Variants in RASGEF1C observed in about 807,000 individuals in gnomAD.
The protein encoded by RASGEF1C is RasGEF domain family member 1C.
In RASGEF1C, 27 loss-of-function variants were observed where a neutral mutation model predicts 58.1. The ratio of observed to expected loss-of-function variants is 0.46; its 90% CI spans 0.34 to 0.64. The LOEUF is 0.64. Among genes scored for constraint, RASGEF1C ranks in the 30% least tolerant of loss-of-function variants. The pLI is 0.01. For synonymous variants in RASGEF1C, 243 were observed against 246.3 expected, an observed-to-expected ratio of 0.99 and a Z score of 0.13; for missense variants, 502 against 605.1, an observed-to-expected ratio of 0.83 and a Z score of 1.79.
intron 4 of RASGEF1C, among the ~76,000 whole-genome samples, chr5:180,132,605 G>C (rs967307027): frequency 1.3e-5 from 2 of 152,162 alleles, no homozygotes; most frequent in Non-Finnish European, 2.9e-5. Context: ...TCAGCTTTCT[G>C]CCACCTCTGC....
chr5:180,207,994 C>T (rs1371990418), intron 1 of RASGEF1C, among the ~76,000 whole-genome samples: 3 of 152,200 alleles, frequency 2.0e-5, no homozygotes, highest in Non-Finnish European at 1.5e-5. Context: ...CCCACACCAG[C>T]TAGTGAGCAC....
At chr5:180,112,014 C>T (rs369452814) in intron 11 of RASGEF1C, among the ~76,000 whole-genome samples, 3 of 152,274 alleles carry the variant, frequency 2.0e-5, no homozygotes, top group South Asian at 2.1e-4. Context: ...CCCCGCTCCA[C>T]GACACCCTTT....
chr5:180,122,009 TCA>T (rs1766184939), intron 6 of RASGEF1C, among the ~76,000 whole-genome samples: 1 of 152,220 alleles, frequency 6.6e-6, no homozygotes, highest in Non-Finnish European at 1.5e-5. Flanking sequence ...GCTCTGTGCC[TCA>T]CAGAGAAAAT....
At chr5:180,128,271 G>A in intron 5 of RASGEF1C, 139 bp downstream of exon 5, 1 of 813,316 alleles carries the variant, frequency 1.2e-6, no homozygotes, top group South Asian at 1.5e-5. Flanking sequence ...ATCCACAAGG[G>A]GCCCAGTGCA....
chr5:180,169,432 G>A (rs62406103), intron 1 of RASGEF1C, among the ~76,000 whole-genome samples: 6,897 of 152,140 alleles, frequency 0.045, 333 homozygotes, highest in African/African-American at 0.12. Context: ...TGGAAGCAGC[G>A]TTCACAAATG....
At position 180,101,393 on chromosome 5, in the gene RASGEF1C, T is replaced by C; in HGVS notation, c.*108A>G. ...GGCAGCAGGCCACAGGGTCGGCATT[T>C]GCAAAATAGTGAGGCACTCCCTGGC... is the stretch of plus-strand genomic sequence containing the variant. On this transcript the variant is annotated 3_prime_UTR_variant, in exon 14 of 14. Transcript: ENST00000361132. 1 of 1,388,876 alleles carries C rather than the reference T, an allele frequency of 7.2e-7. No homozygotes were observed. The highest frequency in any genetic ancestry group is 1.2e-5 in the South Asian group (1 of 83,538). The allele number at this position is 1,388,876 out of a possible 1,614,324, so 86.0% of individuals were successfully genotyped here.
intron 1 of RASGEF1C, among the ~76,000 whole-genome samples, chr5:180,173,233 A>G (rs1767141982): frequency 6.6e-6 from 1 of 152,228 alleles, no homozygotes; most frequent in Non-Finnish European, 1.5e-5. Flanking sequence ...AGCCAGCTAC[A>G]CAGGGCCTGC....
chr5:180,193,861 G>A (rs1296166583), intron 1 of RASGEF1C, among the ~76,000 whole-genome samples: 1 of 152,170 alleles, frequency 6.6e-6, no homozygotes, highest in African/African-American at 2.4e-5. Context: ...ATCAGTCCAG[G>A]AGGAATCCAC....
chr5:180,113,773 G>A (rs954758626), intron 11 of RASGEF1C, among the ~76,000 whole-genome samples: 9 of 151,786 alleles, frequency 5.9e-5, no homozygotes, highest in Admixed American at 3.3e-4. Flanking sequence ...GGGGATGGAC[G>A]GAGGGATTGG....
At position 180,101,823 on chromosome 5, in the gene RASGEF1C, C is replaced by A. The variant is rs571875160; in HGVS notation, c.1376+248G>T. Among the ~76,000 whole-genome samples, 4 of 152,338 alleles carry A rather than the reference C, an allele frequency of 2.6e-5. No individual in the cohort carries two copies. The South Asian group carries it at 8.3e-4, about 32-fold the overall frequency. On this transcript the variant is annotated intron_variant, in intron 13 of 13. Coordinates refer to ENST00000361132, the MANE Select transcript of RASGEF1C (RefSeq NM_175062.4). ...CCCTGGGACATGCATCTTGACTGCA[C>A]ACAGAGGCAGCCACCAGCCGTGGGG... is the stretch of plus-strand genomic sequence containing the variant.
At chr5:180,171,076 G>A (rs777112706) in intron 1 of RASGEF1C, among the ~76,000 whole-genome samples, 1 of 152,160 alleles carries the variant, frequency 6.6e-6, no homozygotes, top group African/African-American at 2.4e-5. Flanking sequence ...AGTGTGAGAC[G>A]CGTGCAGCCA....
intron 1 of RASGEF1C, among the ~76,000 whole-genome samples, chr5:180,181,722 A>G (rs187276377): frequency 3.8e-4 from 58 of 152,328 alleles, no homozygotes; most frequent in Admixed American, 1.4e-3. Flanking sequence ...ATGAGAGAAC[A>G]CATTTCCGTT....
At chr5:180,205,468 A>G (rs1756470685) in intron 1 of RASGEF1C, among the ~76,000 whole-genome samples, 1 of 152,164 alleles carries the variant, frequency 6.6e-6, no homozygotes, top group Non-Finnish European at 1.5e-5. Flanking sequence ...GTTTTGGATA[A>G]GATAACTCAA....
chr5:180,182,490 G>A (rs1264720906), intron 1 of RASGEF1C, among the ~76,000 whole-genome samples: 1 of 152,172 alleles, frequency 6.6e-6, no homozygotes, highest in African/African-American at 2.4e-5. Flanking sequence ...TGGCTGGGAT[G>A]GCCAGCTTTT....
At chr5:180,167,153 T>C (rs1767036113) in intron 1 of RASGEF1C, among the ~76,000 whole-genome samples, 1 of 152,092 alleles carries the variant, frequency 6.6e-6, no homozygotes, top group Admixed American at 6.5e-5. Flanking sequence ...TTTCAAATGC[T>C]TTTTTTCTGT....
chr5:180,173,298 G>A (rs536688956), intron 1 of RASGEF1C, among the ~76,000 whole-genome samples: 20 of 152,270 alleles, frequency 1.3e-4, no homozygotes, highest in African/African-American at 4.1e-4. Context: ...CTCGACCTGG[G>A]GATGCCACCA....
At chr5:180,150,951 G>GAA (rs1766736335) in intron 1 of RASGEF1C, among the ~76,000 whole-genome samples, 1 of 151,256 alleles carries the variant, frequency 6.6e-6, no homozygotes, top group Admixed American at 6.6e-5. Context: ...AATCATGAGT[G>GAA]AACTCCCATT....
intron 1 of RASGEF1C, among the ~76,000 whole-genome samples, chr5:180,195,604 CAA>C (rs1188831579): frequency 1.3e-5 from 2 of 150,982 alleles, no homozygotes; most frequent in East Asian, 1.9e-4. Context: ...ACTAAAAATA[CAA>C]AAAAAATTAG....
chr5:180,199,141 G>C (rs1332216286), intron 1 of RASGEF1C, among the ~76,000 whole-genome samples: 2 of 152,178 alleles, frequency 1.3e-5, no homozygotes, highest in African/African-American at 4.8e-5. Flanking sequence ...CGGGAGAGGT[G>C]GCAGGGGGTG....
Sources: gnomAD v4.1 joint callset for allele counts (sites outside exome capture counted in the v4.1 genomes callset) on GRCh38, gnomAD v4.1.1 for gene constraint, MANE v1.5 for transcripts, NCBI Gene and HGNC (gene_info 2026-07-23, HGNC 2026-07-21) for gene names.